TRIQK: variants seen among roughly 807,000 people sequenced by gnomAD.
TRIQK encodes the protein triple QxxK/R motif containing, also known as triple QxxK/R motif-containing protein.
TRIQK carries 10 observed loss-of-function variants against 10.8 expected under a neutral mutation model. The ratio of observed to expected loss-of-function variants is 0.92; its 90% CI spans 0.57 to 1.57. The LOEUF (loss-of-function observed/expected upper bound fraction) is 1.57, where lower values mean the gene tolerates loss of function less well. TRIQK is among the 40% of genes most tolerant of loss of function. TRIQK has a pLI of 0.00. For missense variants in TRIQK, 107 were observed against 97.7 expected (o/e 1.09, Z -0.40); for synonymous variants, 33 against 33.7 (o/e 0.98, Z 0.07).
chr8:92,893,444 A>C (rs1326262508), intron 3 of TRIQK, among the ~76,000 whole-genome samples: 2 of 152,050 alleles, frequency 1.3e-5, no homozygotes, highest in Non-Finnish European at 2.9e-5. Context: ...CAGAAGCTTA[A>C]TAAATATTAT....
At chr8:92,899,733 G>T (rs1808819463) in intron 3 of TRIQK, among the ~76,000 whole-genome samples, 4 of 151,280 alleles carry the variant, frequency 2.6e-5, no homozygotes, top group Admixed American at 1.3e-4. Flanking sequence ...TATCTTTTTG[G>T]TATCCTGATT....
intron 2 of TRIQK, 199 bp downstream of exon 2, chr8:92,954,207 G>C (rs993653093): frequency 6.6e-6 from 1 of 151,618 alleles, no homozygotes; most frequent in African/African-American, 2.4e-5. Flanking sequence ...ACATTTATTT[G>C]GATTTGCTGA....
At chr8:92,969,597 A>C (rs1037980652), upstream of TRIQK, among the ~76,000 whole-genome samples, 1 of 141,658 alleles carries the variant, frequency 7.1e-6, no homozygotes, top group Non-Finnish European at 1.6e-5. Flanking sequence ...TATTTATTTT[A>C]TTTTTTCATT....
chr8:92,959,622 T>C (rs925557985), intron 1 of TRIQK, among the ~76,000 whole-genome samples: 11 of 152,036 alleles, frequency 7.2e-5, no homozygotes, highest in Non-Finnish European at 1.5e-4. Flanking sequence ...GATTCCTTTA[T>C]ACACATGCTC....
chr8:92,924,430 T>C (rs1381653682), intron 2 of TRIQK, among the ~76,000 whole-genome samples: 3 of 152,062 alleles, frequency 2.0e-5, no homozygotes, highest in African/African-American at 4.8e-5. Context: ...TTTTACTTCC[T>C]TGACTTTGAC....
intron 4 of TRIQK, among the ~76,000 whole-genome samples, chr8:92,887,319 A>T (rs568463856): frequency 5.9e-5 from 9 of 151,496 alleles, no homozygotes; most frequent in Non-Finnish European, 1.3e-4. Context: ...GAGGAACAAA[A>T]CAAAGTACTC....
chr8:92,984,908 A>G (rs1813018415), intron 1 of TRIQK, among the ~76,000 whole-genome samples: 1 of 152,160 alleles, frequency 6.6e-6, no homozygotes, highest in Admixed American at 6.6e-5. Context: ...TGGAAACCAC[A>G]AAAAAGAATA....
At chr8:93,013,355 T>A (rs1326426267) in intron 1 of TRIQK, among the ~76,000 whole-genome samples, 1 of 152,196 alleles carries the variant, frequency 6.6e-6, no homozygotes, top group Non-Finnish European at 1.5e-5. Flanking sequence ...TAGCTTCTTG[T>A]GGTTAGGAAA....
At chr8:92,977,931 C>G (rs1334796341) in intron 1 of TRIQK, among the ~76,000 whole-genome samples, 2 of 152,112 alleles carry the variant, frequency 1.3e-5, no homozygotes, top group Non-Finnish European at 2.9e-5. Context: ...GCTCTTGGAA[C>G]TATGTTGTAT....
upstream of TRIQK, among the ~76,000 whole-genome samples, chr8:92,967,786 C>T (rs889475704): frequency 3.6e-5 from 5 of 137,588 alleles, no homozygotes; most frequent in Non-Finnish European, 7.6e-5. Context: ...TGCATCATTG[C>T]ACTCCAGCCT....
chr8:92,933,441 C>A (rs1810831676), intron 2 of TRIQK, among the ~76,000 whole-genome samples: 1 of 151,712 alleles, frequency 6.6e-6, no homozygotes, highest in Non-Finnish European at 1.5e-5. Context: ...TATTAAATAC[C>A]CCATAGAGGT....
chr8:92,925,739 A>G (rs1050396165), intron 2 of TRIQK, among the ~76,000 whole-genome samples: 6 of 152,210 alleles, frequency 3.9e-5, no homozygotes, highest in Admixed American at 1.3e-4. Context: ...TATACAAAAT[A>G]TTGAAGAGAA....
chr8:92,994,826 T>TCCCTACAAACTCCTTGTTTCC (rs1813136334), intron 1 of TRIQK, among the ~76,000 whole-genome samples: 1 of 152,012 alleles, frequency 6.6e-6, no homozygotes, highest in African/African-American at 2.4e-5. Flanking sequence ...TTGTTGTTTC[T>TCCCTACAAACTCCTTGTTTCC]CCCTACAAAC....
At chr8:92,921,975 A>C (rs1810216483) in intron 2 of TRIQK, among the ~76,000 whole-genome samples, 1 of 151,854 alleles carries the variant, frequency 6.6e-6, no homozygotes, top group South Asian at 2.1e-4. Context: ...TATGTGACAA[A>C]GTTATAAGTT....
chr8:92,897,647 T>A (rs906784207), intron 3 of TRIQK, among the ~76,000 whole-genome samples: 2 of 152,162 alleles, frequency 1.3e-5, no homozygotes, highest in Non-Finnish European at 2.9e-5. Context: ...CTTTTCTTTA[T>A]AAATTACCCA....
intron 1 of TRIQK, among the ~76,000 whole-genome samples, chr8:92,979,283 C>T (rs976573474): frequency 3.3e-5 from 5 of 152,058 alleles, no homozygotes; most frequent in African/African-American, 9.7e-5. Context: ...TGTCAGATCA[C>T]GTTATAGAAG....
intron 2 of TRIQK, among the ~76,000 whole-genome samples, chr8:92,940,616 C>G (rs545383963): frequency 1.9e-4 from 29 of 152,164 alleles, no homozygotes; most frequent in African/African-American, 7.0e-4. Context: ...TTGGAGCACC[C>G]AAATAAATAA....
chr8:92,950,263 ATTT>A (rs917205735), intron 2 of TRIQK, among the ~76,000 whole-genome samples: 1 of 152,066 alleles, frequency 6.6e-6, no homozygotes, highest in African/African-American at 2.4e-5. Flanking sequence ...GCTGTGGTGT[ATTT>A]CAAAATGGTT....
chr8:92,984,847 G>A (rs1040298888), intron 1 of TRIQK, among the ~76,000 whole-genome samples: 2 of 151,872 alleles, frequency 1.3e-5, no homozygotes, highest in African/African-American at 4.8e-5. Context: ...TTTTTCCACA[G>A]GTTATCTTGA....
Sources: allele counts gnomAD v4.1 joint callset (sites outside exome capture counted in the v4.1 genomes callset), GRCh38; gene constraint gnomAD v4.1.1; transcripts MANE v1.5; gene names NCBI Gene and HGNC (gene_info 2026-07-23, HGNC 2026-07-21).